The following SPTBN1 variants were observed in gnomAD, a reference collection of about 807,000 sequenced individuals.
SPTBN1 encodes spectrin beta chain, non-erythrocytic 1.
A neutral mutation model predicts 266.4 loss-of-function variants in SPTBN1; 32 were observed. That is an observed-to-expected ratio of 0.12 (90% CI 0.09 to 0.16). SPTBN1 has a LOEUF of 0.16. Ranked by LOEUF, SPTBN1 falls within the 10% of genes least tolerant of loss-of-function variation. The pLI is 1.00. For missense variants in SPTBN1, 2,296 were observed against 3,067.1 expected (o/e 0.75, Z 5.94); for synonymous variants, 1,336 against 1,162.2 (o/e 1.15, Z -3.04).
intron 2 of SPTBN1, chr2:54,529,582 T>G (rs760844865): frequency 1.4e-6 from 1 of 719,300 alleles, no homozygotes; most frequent in East Asian, 2.6e-5. Flanking sequence ...TCATCAAGTT[T>G]CCTCTGACCA....
intron 1 of SPTBN1, among the ~76,000 whole-genome samples, chr2:54,525,014 A>C (rs1670715570): frequency 6.6e-6 from 1 of 152,122 alleles, no homozygotes; most frequent in South Asian, 2.1e-4. Context: ...TACCACTAGG[A>C]TATAAGCTTC....
At chr2:54,486,524 A>G (rs978238065) in intron 1 of SPTBN1, among the ~76,000 whole-genome samples, 1 of 152,148 alleles carries the variant, frequency 6.6e-6, no homozygotes, top group African/African-American at 2.4e-5. Context: ...TGAAGGCAGC[A>G]TGCTCGTTAA....
At chr2:54,622,233 G>A in intron 8 of SPTBN1, 67 bp from the exon 9 acceptor site, 2 of 1,464,564 alleles carry the variant, frequency 1.4e-6, no homozygotes, top group Non-Finnish European at 1.9e-6. Context: ...CACTCGTATA[G>A]GGTTACAATC....
rs1208036480 is a variant in SPTBN1, at chr2:54,533,835, GCCTCC to G, written c.148+7270_148+7274del. ...CAAAGTGCTGGGATTACAGGCGTGA[GCCTCC>G]ACGCCCGGCCTGCTGTAGTAATTTA... On this transcript the variant is annotated intron_variant, in intron 2 of 35. Coordinates refer to ENST00000356805, the MANE Select transcript of SPTBN1 (RefSeq NM_003128.3). The surrounding 1 kb of genome is among the most constrained non-coding windows in gnomAD (Gnocchi z 4.2). Among the ~76,000 whole-genome samples, 1 of 152,134 alleles carries G rather than the reference GCCTCC, an allele frequency of 6.6e-6. No homozygotes were observed. The highest frequency in any genetic ancestry group is 6.5e-5 in the Admixed American group (1 of 15,278).
rs1388379126 is a variant in SPTBN1 at position 54,526,572 on chromosome 2, T to C, written c.148+6T>C. ...CCGCATCAAGGCTCTGGCAGGTGAG[T>C]CCTTCACACCTGTCACAGAGGCCCA... On this transcript the variant is annotated splice_donor_region_variant and intron_variant, in intron 2 of 35. Coordinates refer to ENST00000356805, the MANE Select transcript of SPTBN1 (RefSeq NM_003128.3). 2 of 1,612,558 alleles carry C rather than the reference T, an allele frequency of 1.2e-6. No homozygotes were observed. Among genetic ancestry groups the C allele is most frequent in the Non-Finnish European group, 1.7e-6 (2 of 1,179,184 alleles).
chr2:54,542,162 AAC>A (rs1359140538), intron 2 of SPTBN1, among the ~76,000 whole-genome samples: 7 of 152,354 alleles, frequency 4.6e-5, no homozygotes, highest in African/African-American at 1.4e-4. Context: ...CGGTGGTAGA[AAC>A]ACAGTTAGGT....
chr2:54,654,631 C>T lies in SPTBN1; in HGVS notation c.5823-439C>T, dbSNP rs1028257800. Reference sequence around the variant, plus strand: ...TCTTTTTGTGTCTGAATAAGGAGACCGTATTAGCTGCTCTTTGATATGGCC... The same window carrying T: ...TCTTTTTGTGTCTGAATAAGGAGACTGTATTAGCTGCTCTTTGATATGGCC... On this transcript the variant is annotated intron_variant, in intron 27 of 35. Coordinates refer to ENST00000356805, the MANE Select transcript of SPTBN1 (RefSeq NM_003128.3). 3.9e-5 allele frequency among the ~76,000 whole-genome samples: 6 copies of T among 152,086 alleles called. No individual in the cohort carries two copies. The South Asian group carries it at 6.2e-4, about 16-fold the overall frequency.
At chr2:54,630,522 C>A (rs889058511) in intron 15 of SPTBN1, among the ~76,000 whole-genome samples, 1 of 152,110 alleles carries the variant, frequency 6.6e-6, no homozygotes, top group Non-Finnish European at 1.5e-5. Context: ...ATTTGGAAAA[C>A]GTTCATTAGG....
chr2:54,572,223 C>A (rs1017363244), intron 2 of SPTBN1, among the ~76,000 whole-genome samples: 1 of 152,116 alleles, frequency 6.6e-6, no homozygotes, highest in Non-Finnish European at 1.5e-5. Context: ...TCCCCCCTTT[C>A]TTTTGAATGA....
chr2:54,553,902 GAACA>G (rs1672719218), intron 2 of SPTBN1, among the ~76,000 whole-genome samples: 1 of 152,112 alleles, frequency 6.6e-6, no homozygotes, highest in South Asian at 2.1e-4. Context: ...AAGCCTCTTA[GAACA>G]AACAGAGGCT....
In SPTBN1 at chr2:54,653,505, C is replaced by G; in HGVS notation, c.5578-104C>G. The G allele has an allele frequency of 1.3e-6, 2 of 1,511,940 alleles. No homozygotes were observed. Among genetic ancestry groups the G allele is most frequent in the Non-Finnish European group, 1.8e-6 (2 of 1,137,508 alleles). 93.7% of individuals were successfully genotyped at this position (1,511,940 alleles called of 1,614,324 possible). ...TTAAGGGGCATGGGCCATATTTTGA[C>G]TCTGTGCTCCCTTTAGTGTATGAGC... On this transcript the variant is annotated intron_variant, in intron 26 of 35. Coordinates refer to ENST00000356805, the MANE Select transcript of SPTBN1 (RefSeq NM_003128.3). This position sits in a 1 kb window ranked among gnomAD's most constrained non-coding sequence, Gnocchi z 5.1.
chr2:54,612,436 C>A, intron 4 of SPTBN1, 102 bp downstream of exon 4: 1 of 1,335,198 alleles, frequency 7.5e-7, no homozygotes, highest in Non-Finnish European at 1.0e-6. Flanking sequence ...TCGGGAAGAC[C>A]AGGTTGAAAG....
intron 16 of SPTBN1, among the ~76,000 whole-genome samples, chr2:54,632,248 G>T (rs746675004): frequency 8.9e-4 from 135 of 152,128 alleles, no homozygotes; most frequent in Admixed American, 1.5e-3. Context: ...CTGTCTCAAA[G>T]AGAGAGTATG....
intron 1 of SPTBN1, among the ~76,000 whole-genome samples, chr2:54,522,270 A>G (rs1025590738): frequency 1.3e-5 from 2 of 152,146 alleles, no homozygotes; most frequent in African/African-American, 4.8e-5. Flanking sequence ...ACATTAGGAA[A>G]AAAGGTGCTT....
rs559400111 is a variant in SPTBN1 at position 54,625,143 on chromosome 2, A to G, written c.1341+181A>G. On this transcript the variant is annotated intron_variant, in intron 11 of 35. Coordinates refer to ENST00000356805, the MANE Select transcript of SPTBN1 (RefSeq NM_003128.3). ...TTTATAATTTCTAATATACATTTCT[A>G]TTTATCTAACTTTTCATAGATTTGG... 1.2e-4 allele frequency among the ~76,000 whole-genome samples: 19 copies of G among 152,230 alleles called. No homozygotes were observed. In the East Asian group the frequency reaches 2.1e-3, roughly 17 times the overall value.
intron 18 of SPTBN1, among the ~76,000 whole-genome samples, chr2:54,641,724 G>A (rs1295281080): frequency 7.1e-6 from 1 of 140,124 alleles, no homozygotes; most frequent in African/African-American, 2.6e-5. Flanking sequence ...AATAGGGACA[G>A]TGCCCAAGAG....
chr2:54,529,558 T>C (rs768401989), intron 2 of SPTBN1: 2 of 715,320 alleles, frequency 2.8e-6, no homozygotes, highest in Non-Finnish European at 5.2e-6. Flanking sequence ...GAAACAAGCT[T>C]GACCACTATG....
chr2:54,623,394 C>T, intron 9 of SPTBN1, 85 bp from the exon 10 acceptor site: 1 of 1,186,454 alleles, frequency 8.4e-7, no homozygotes, highest in East Asian at 2.3e-5. Flanking sequence ...GTAAGTCAGA[C>T]CAGAGTTAAA....
chr2:54,477,656 G>C (rs1194445467), intron 1 of SPTBN1, among the ~76,000 whole-genome samples: 1 of 152,164 alleles, frequency 6.6e-6, no homozygotes, highest in African/African-American at 2.4e-5. Flanking sequence ...GCTCATGCCT[G>C]TAATCCCAGC....
Sources: allele counts gnomAD v4.1 joint callset (sites outside exome capture counted in the v4.1 genomes callset), GRCh38; gene constraint gnomAD v4.1.1; non-coding constraint Gnocchi (gnomAD v3.1); transcripts MANE v1.5; gene names NCBI Gene and HGNC (gene_info 2026-07-23, HGNC 2026-07-21).